TECTA: variants seen among roughly 807,000 people sequenced by gnomAD.
TECTA encodes alpha-tectorin.
Under a neutral mutation model 216.8 loss-of-function variants are expected in TECTA, and 128 were observed. The ratio of observed to expected loss-of-function variants is 0.59; its 90% CI spans 0.51 to 0.68. The LOEUF (loss-of-function observed/expected upper bound fraction) is 0.68, where lower values mean the gene tolerates loss of function less well. TECTA is among the 30% of genes least tolerant of loss of function. TECTA has a pLI of 0.00. For missense variants in TECTA, 2,551 were observed against 2,786.2 expected (o/e 0.92, Z 1.90); for synonymous variants, 1,089 against 1,117.1 (o/e 0.97, Z 0.50).
chr11:121,170,533 A>G (rs1249557121), intron 20 of TECTA, among the ~76,000 whole-genome samples: 6 of 152,048 alleles, frequency 3.9e-5, no homozygotes, highest in Admixed American at 3.9e-4. Context: ...ACTCATTTCT[A>G]GTCCCACCAG....
chr11:121,182,895 C>G (rs1039665174), intron 20 of TECTA, among the ~76,000 whole-genome samples: 2 of 152,134 alleles, frequency 1.3e-5, no homozygotes, highest in African/African-American at 4.8e-5. Context: ...GGCCCCATGA[C>G]AGCACCTGGT....
rs769033358 is a variant in TECTA at position 121,125,810 on chromosome 11, A to G, written c.1712A>G (p.Tyr571Cys). ...GTLLCQAIQA[Y>C]ALVCQALGIP... ...CTCCTCTGCCAAGCCATCCAGGCCT[A>G]TGCTCTTGTGTGCCAAGCCCTTGGC... The change falls in exon 8 of 24, where the codon TAT (tyrosine) becomes TGT (cysteine). Residue 571 changes from tyrosine (Y) to cysteine (C), a missense_variant. By Grantham distance (194) the Tyr-to-Cys change is radical (BLOSUM62 -2). Around this residue, in one of 3 missense-constraint regions of TECTA, gnomAD observed 2,375 missense variants for 2,563.9 expected, o/e 0.93. Transcript: ENST00000392793. 1 of 1,613,760 alleles carries G rather than the reference A, an allele frequency of 6.2e-7. No homozygotes were observed. The highest frequency in any genetic ancestry group is 8.5e-7 in the Non-Finnish European group (1 of 1,180,046).
chr11:121,120,999 C>T (rs1483940491), intron 7 of TECTA, among the ~76,000 whole-genome samples: 2 of 152,174 alleles, frequency 1.3e-5, no homozygotes, highest in African/African-American at 2.4e-5. Flanking sequence ...CTGGCCTTGG[C>T]GGCCTCTCCT....
intron 17 of TECTA, among the ~76,000 whole-genome samples, chr11:121,166,102 C>T (rs1947050454): frequency 1.3e-5 from 2 of 152,216 alleles, no homozygotes; most frequent in Admixed American, 6.5e-5. Flanking sequence ...AAATGTCAAT[C>T]GGTGCCTTGC....
Position 121,145,593 on chromosome 11 carries a change from G to C in TECTA, c.3582G>C (p.Gly1194=), listed in dbSNP as rs968652332. The C allele has an allele frequency of 6.2e-7, 1 of 1,614,190 alleles. No individual in the cohort carries two copies. Among genetic ancestry groups the C allele is most frequent in the South Asian group, 1.1e-5 (1 of 91,082 alleles). The stretch of plus-strand genomic sequence containing the variant: ...GGCTCTATCTGCCCCTGAAGCTGGG[G>C]CAAGGGAAGATAAATATCTTTTCCT... ...SERLYLPLKL[G]QGKINIFSFG... is the part of the protein sequence containing the mutation. Residue 1194 remains glycine (G), a synonymous_variant, in exon 12 of 24, where the codon GGG becomes GGC. Transcript: ENST00000392793.
At chr11:121,130,397 C>G (rs1946662505) in intron 10 of TECTA, among the ~76,000 whole-genome samples, 186 bp downstream of exon 10, 1 of 152,212 alleles carries the variant, frequency 6.6e-6, no homozygotes, top group Non-Finnish European at 1.5e-5. Flanking sequence ...AGCCTCTCAT[C>G]TTTACTTTTT....
chr11:121,162,760 A>G (rs1008501206), intron 16 of TECTA, among the ~76,000 whole-genome samples: 7 of 152,228 alleles, frequency 4.6e-5, no homozygotes, highest in Non-Finnish European at 1.5e-5. Context: ...AAGCGAAGGC[A>G]CAGGGCAGGT....
chr11:121,117,542 A>G lies in TECTA; in HGVS notation c.791-764A>G, dbSNP rs553379643. The stretch of plus-strand genomic sequence containing the variant: ...AAGAAATAATAGTGTTTTTAAAATT[A>G]TCACATCCCTTTAAACCATTCCCCT... On this transcript the variant is annotated intron_variant, in intron 6 of 23. Coordinates refer to ENST00000392793, the MANE Select transcript of TECTA (RefSeq NM_005422.4). 5.3e-5 allele frequency among the ~76,000 whole-genome samples: 8 copies of G among 152,368 alleles called. No individual in the cohort carries two copies. The South Asian group carries it at 1.7e-3, about 32-fold the overall frequency.
intron 2 of TECTA, among the ~76,000 whole-genome samples, chr11:121,104,755 G>C (rs530126027): frequency 1.3e-5 from 2 of 152,208 alleles, no homozygotes; most frequent in East Asian, 3.9e-4. Flanking sequence ...ACATGAGAAT[G>C]GGGGTGTCGG....
Position 121,166,980 on chromosome 11 carries a change from G to C in TECTA, c.5586+200G>C, listed in dbSNP as rs564097992. ...CTAAGTGATTGACGGAGTTGAAAGAGTGATGTGTTTTTTCCTTGGTTTGGG... is the reference window on the plus strand; with the variant it reads ...CTAAGTGATTGACGGAGTTGAAAGACTGATGTGTTTTTTCCTTGGTTTGGG... On this transcript the variant is annotated intron_variant, in intron 18 of 23. Transcript: ENST00000392793. Among the ~76,000 whole-genome samples, 11 of 152,372 alleles carry C rather than the reference G, an allele frequency of 7.2e-5. No homozygotes were observed. The South Asian group carries it at 2.3e-3, about 32-fold the overall frequency.
chr11:121,160,025 A>C, intron 14 of TECTA, 110 bp from the exon 15 acceptor site: 1 of 1,245,052 alleles, frequency 8.0e-7, no homozygotes, highest in Non-Finnish European at 1.2e-6. Context: ...TCGTTGAGAC[A>C]GAGATCACAG....
chr11:121,152,816 C>T, intron 12 of TECTA, 65 bp from the exon 13 acceptor site: 4 of 1,526,298 alleles, frequency 2.6e-6, no homozygotes, highest in South Asian at 1.2e-5. Flanking sequence ...TGAGCAATGG[C>T]CATGAGAAAA....
At chr11:121,166,514 T>C in intron 17 of TECTA, 64 bp from the exon 18 acceptor site, 1 of 1,545,626 alleles carries the variant, frequency 6.5e-7, no homozygotes, top group East Asian at 2.2e-5. Context: ...TGGGATGCTT[T>C]GCTCCCACTC....
chr11:121,168,793 G>A lies in TECTA; in HGVS notation c.5867G>A (p.Arg1956Gln), dbSNP rs780312128. 9.3e-6 allele frequency: 15 copies of A among 1,613,984 alleles called. No homozygotes were observed. The highest frequency in any genetic ancestry group is 8.9e-5 in the East Asian group (4 of 44,896). The change falls in exon 20 of 24, where the codon CGA becomes CAA. Residue 1956 changes from arginine (R) to glutamine (Q), a missense_variant. By Grantham distance (43) the Arg-to-Gln change is conservative. This residue lies in a region of TECTA where 2,375 missense variants were observed against 2,563.9 expected (regional missense o/e 0.93). Transcript: ENST00000392793. ...CAGGGTGAAGTAGTGTTGACGACTC[G>A]AGATGTGCTGTATGTAGGGGTTTTT... ...YRQGEVVLTT[R>Q]DVLYVGVFVV... is the part of the protein sequence containing the mutation.
Position 121,178,517 on chromosome 11 carries a change from AGTGTGTGT to A in TECTA, c.6000-9277_6000-9270del, listed in dbSNP as rs3222565. ...TATGTTTAGATATTGGCTTGTAGTT[AGTGTGTGT>A]GTGTGTGTGTGTGTGTGTGTGTGTG... On this transcript the variant is annotated intron_variant, in intron 20 of 23. Coordinates refer to ENST00000392793, the MANE Select transcript of TECTA (RefSeq NM_005422.4). 7.5e-3 allele frequency among the ~76,000 whole-genome samples: 952 copies of A among 127,268 alleles called. 8 individuals are homozygous for A. The highest frequency in any genetic ancestry group is 0.023 in the African/African-American group (798 of 34,394). The allele number at this position is 127,268 out of a possible 152,430, so 83.5% of individuals were successfully genotyped here.
chr11:121,190,865 TA>T lies in TECTA; in HGVS notation c.*64del. ...TTACTTACTTCAACACCCTGTAGGA[TA>T]AAAAGTGTGTGCCCTTAAGTCAAAA... On this transcript the variant is annotated 3_prime_UTR_variant, in exon 24 of 24. Coordinates refer to ENST00000392793, the MANE Select transcript of TECTA (RefSeq NM_005422.4). The T allele has an allele frequency of 7.6e-7, 1 of 1,320,606 alleles. No homozygotes were observed. Among genetic ancestry groups the T allele is most frequent in the South Asian group, 1.2e-5 (1 of 82,640 alleles). 81.8% of individuals were successfully genotyped at this position (1,320,606 alleles called of 1,614,324 possible). A position where few individuals can be genotyped will look rare whatever the true frequency, so the allele number is the denominator to read the frequency against.
chr11:121,145,349 A>G lies in TECTA; in HGVS notation c.3544-206A>G, dbSNP rs566301850. 1.3e-4 allele frequency among the ~76,000 whole-genome samples: 20 copies of G among 152,394 alleles called. No individual in the cohort carries two copies. The East Asian group carries it at 3.7e-3, about 28-fold the overall frequency. ...AGAAGGCACTGAAATAAATAGGTAT[A>G]TTAGTGTACCAAGGATAGTCATTTG... is the stretch of plus-strand genomic sequence containing the variant. On this transcript the variant is annotated intron_variant, in intron 11 of 23. Transcript: ENST00000392793.
intron 12 of TECTA, among the ~76,000 whole-genome samples, chr11:121,152,115 C>A (rs955726303): frequency 6.6e-6 from 1 of 152,238 alleles, no homozygotes; most frequent in Non-Finnish European, 1.5e-5. Context: ...GGTTCCAGAG[C>A]CCACACCCTT....
intron 10 of TECTA, among the ~76,000 whole-genome samples, chr11:121,135,363 TTTCAGACAAA>T (rs942431908): frequency 6.6e-6 from 1 of 152,242 alleles, no homozygotes; most frequent in Admixed American, 6.5e-5. Context: ...TGTTCCAGAC[TTTCAGACAAA>T]TTCAGACAAC....
Sources: gnomAD v4.1 joint callset for allele counts (sites outside exome capture counted in the v4.1 genomes callset) on GRCh38, gnomAD v4.1.1 for gene constraint, gnomAD v4.1.1 regional missense constraint, MANE v1.5 for transcripts, NCBI Gene and HGNC (gene_info 2026-07-23, HGNC 2026-07-21) for gene names.